PMS1: variants seen among roughly 807,000 people sequenced by gnomAD.
The protein encoded by PMS1 is PMS1 homolog 1, mismatch repair system component.
PMS1 carries 79 observed loss-of-function variants against 93.1 expected under a neutral mutation model. The ratio of observed to expected loss-of-function variants is 0.85; its 90% CI spans 0.71 to 1.02. PMS1 has a LOEUF of 1.02. PMS1 is among the 50% of genes least tolerant of loss of function. The pLI is 0.00. For synonymous variants in PMS1, 335 were observed against 363.4 expected (o/e 0.92, Z 0.89); for missense variants, 1,064 against 1,085.3 (o/e 0.98, Z 0.28).
At chr2:189,800,564 C>G (rs1298562293) in intron 3 of PMS1, among the ~76,000 whole-genome samples, 1 of 152,078 alleles carries the variant, frequency 6.6e-6, no homozygotes, top group Non-Finnish European at 1.5e-5. Flanking sequence ...TATTCCTTAG[C>G]ACTCAGAAAG....
At chr2:189,871,402 C>T (rs1310131520) in intron 11 of PMS1, among the ~76,000 whole-genome samples, 3 of 152,202 alleles carry the variant, frequency 2.0e-5, no homozygotes, top group African/African-American at 7.2e-5. Context: ...TTCTGGGCCA[C>T]ATGTGGCCCA....
At chr2:189,793,881 A>G (rs1332515568) in intron 2 of PMS1, among the ~76,000 whole-genome samples, 1 of 152,196 alleles carries the variant, frequency 6.6e-6, no homozygotes, top group African/African-American at 2.4e-5. Flanking sequence ...ATGTTTTCAT[A>G]ATTAATTAAA....
Position 189,814,555 on chromosome 2 carries a change from T to C in PMS1, c.419-3462T>C, listed in dbSNP as rs1481816394. Among the ~76,000 whole-genome samples the C allele has an allele frequency of 2.6e-5, 4 of 152,162 alleles. No individual in the cohort carries two copies. In the East Asian group the frequency reaches 7.7e-4, roughly 29 times the overall value. ...CAGACAAATACAAACTTTATTACTTTCTCTTATTTTCTTTAAGTATTCATT... is the reference window on the plus strand; with the variant it reads ...CAGACAAATACAAACTTTATTACTTCCTCTTATTTTCTTTAAGTATTCATT... On this transcript the variant is annotated intron_variant, in intron 4 of 12. Transcript: ENST00000441310.
intron 11 of PMS1, among the ~76,000 whole-genome samples, chr2:189,870,896 G>A (rs1044783657): frequency 6.6e-6 from 1 of 152,114 alleles, no homozygotes; most frequent in Non-Finnish European, 1.5e-5. Flanking sequence ...TAGTTCGTTT[G>A]TGTTTCTATA....
intron 10 of PMS1, among the ~76,000 whole-genome samples, chr2:189,866,309 A>G (rs1193333597): frequency 6.6e-6 from 1 of 152,206 alleles, no homozygotes; most frequent in African/African-American, 2.4e-5. Flanking sequence ...CTGTTCTTCA[A>G]AAAACAAATA....
chr2:189,868,729 G>C (rs377234898), intron 11 of PMS1, among the ~76,000 whole-genome samples: 5 of 152,292 alleles, frequency 3.3e-5, no homozygotes, highest in South Asian at 4.1e-4. Context: ...ATGAAAATAA[G>C]TAAAAACAAT....
chr2:189,853,864 G>A, intron 7 of PMS1, 75 bp from the exon 8 acceptor site: 1 of 933,972 alleles, frequency 1.1e-6, no homozygotes, highest in Non-Finnish European at 1.6e-6. Flanking sequence ...CAATTTCTCA[G>A]TTGAATTTGC....
chr2:189,787,214 G>T (rs2048432976), intron 1 of PMS1, among the ~76,000 whole-genome samples: 1 of 152,124 alleles, frequency 6.6e-6, no homozygotes, highest in Admixed American at 6.5e-5. Flanking sequence ...GCTGGAGGAT[G>T]GTGTGGAAGC....
chr2:189,861,834 G>GT (rs199762646), intron 9 of PMS1, among the ~76,000 whole-genome samples: 1 of 147,534 alleles, frequency 6.8e-6, no homozygotes, highest in African/African-American at 2.4e-5. Flanking sequence ...TATTTGTACT[G>GT]TTTTTTTCCT....
chr2:189,831,412 A>G (rs1309061139), intron 5 of PMS1, among the ~76,000 whole-genome samples: 1 of 152,226 alleles, frequency 6.6e-6, no homozygotes, highest in African/African-American at 2.4e-5. Flanking sequence ...GAATTCAGAC[A>G]AACACATTAG....
intron 11 of PMS1, among the ~76,000 whole-genome samples, chr2:189,869,019 C>G (rs2056909847): frequency 6.6e-6 from 1 of 152,162 alleles, no homozygotes; most frequent in Admixed American, 6.5e-5. Context: ...TTAATTTAAT[C>G]TCCCTAATAT....
chr2:189,787,388 A>G (rs912358959), intron 1 of PMS1, among the ~76,000 whole-genome samples: 1 of 152,202 alleles, frequency 6.6e-6, no homozygotes, highest in Non-Finnish European at 1.5e-5. Flanking sequence ...TGGCATCCAG[A>G]GATACATAAT....
chr2:189,820,710 C>T (rs1247473175), intron 5 of PMS1, among the ~76,000 whole-genome samples: 1 of 152,126 alleles, frequency 6.6e-6, no homozygotes, highest in African/African-American at 2.4e-5. Flanking sequence ...AGCATTATCT[C>T]TGTTTATATG....
intron 5 of PMS1, among the ~76,000 whole-genome samples, chr2:189,835,797 G>A (rs1181070078): frequency 1.3e-5 from 2 of 151,444 alleles, no homozygotes; most frequent in Non-Finnish European, 2.9e-5. Flanking sequence ...GCGTGGTAGT[G>A]TGCACCTGTA....
At chr2:189,788,021 A>G (rs1305585538) in intron 1 of PMS1, among the ~76,000 whole-genome samples, 1 of 152,136 alleles carries the variant, frequency 6.6e-6, no homozygotes, top group Non-Finnish European at 1.5e-5. Flanking sequence ...TTAGTAAACT[A>G]GAAGAATGAG....
intron 6 of PMS1, among the ~76,000 whole-genome samples, chr2:189,847,369 C>T (rs1025509149): frequency 2.6e-5 from 4 of 152,094 alleles, no homozygotes; most frequent in Admixed American, 2.6e-4. Flanking sequence ...GTTATTAAGA[C>T]CTCCTGTTAA....
intron 3 of PMS1, among the ~76,000 whole-genome samples, chr2:189,801,967 G>GT (rs1398892582): frequency 6.6e-6 from 1 of 152,158 alleles, no homozygotes. Context: ...TTTCTAAAAT[G>GT]TAATAGCCAT....
rs778660303 is a variant in PMS1 at position 189,791,824 on chromosome 2, T to C, written c.15T>C (p.Pro5=). The change falls in exon 2 of 13, where the codon CCT becomes CCC. Residue 5 remains proline, a synonymous_variant. Coordinates refer to ENST00000441310, the MANE Select transcript of PMS1 (RefSeq NM_000534.5). MKQL[P]AATVRLLSSS... The stretch of plus-strand genomic sequence containing the variant: ...TAAAAGCGAAAATGAAACAATTGCC[T>C]GCGGCAACAGTTCGACTCCTTTCAA... The C allele has an allele frequency of 9.6e-5, 155 of 1,613,768 alleles. No individual in the cohort carries two copies. The highest frequency in any genetic ancestry group is 1.3e-4 in the Non-Finnish European group (151 of 1,179,816).
intron 4 of PMS1, 35 bp downstream of exon 4, chr2:189,805,789 C>T (rs2050286583): frequency 1.9e-6 from 3 of 1,611,244 alleles, no homozygotes; most frequent in African/African-American, 2.7e-5. Context: ...ACATTCTTTA[C>T]CTTTTCTGTC....
Sources: gnomAD v4.1 joint callset for allele counts (sites outside exome capture counted in the v4.1 genomes callset) on GRCh38, gnomAD v4.1.1 for gene constraint, MANE v1.5 for transcripts, NCBI Gene and HGNC (gene_info 2026-07-23, HGNC 2026-07-21) for gene names.